The following PRRC1 variants were observed in gnomAD, a reference collection of about 807,000 sequenced individuals.
PRRC1 encodes proline rich coiled-coil 1.
Under a neutral mutation model 40.7 loss-of-function variants are expected in PRRC1, and 39 were observed. The observed-to-expected ratio is 0.96, with a 90% CI of 0.74 to 1.25. The LOEUF is 1.25. Ranked by LOEUF, PRRC1 falls within the 50% of genes most tolerant of loss-of-function variation. PRRC1 has a pLI of 0.00. For synonymous variants in PRRC1, 175 were observed against 193.3 expected, an observed-to-expected ratio of 0.91 and a Z score of 0.79; for missense variants, 573 against 548.3, an observed-to-expected ratio of 1.05 and a Z score of -0.45.
At chr5:127,521,785 A>G (rs1767465952) in intron 1 of PRRC1, among the ~76,000 whole-genome samples, 1 of 152,066 alleles carries the variant, frequency 6.6e-6, no homozygotes, top group Non-Finnish European at 1.5e-5. Flanking sequence ...TGTTCTTCCC[A>G]GCTCAGTTGG....
intron 1 of PRRC1, among the ~76,000 whole-genome samples, chr5:127,521,337 C>T (rs1303228293): frequency 2.0e-5 from 3 of 152,132 alleles, no homozygotes; most frequent in African/African-American, 2.4e-5. Context: ...GTTCTGTAAC[C>T]GTCCTTCCCG....
At chr5:127,547,984 T>A (rs569567945) in intron 8 of PRRC1, 63 bp downstream of exon 8, 93 of 1,083,420 alleles carry the variant, frequency 8.6e-5, no homozygotes, top group Non-Finnish European at 4.0e-5. Flanking sequence ...GTTTTCAGAA[T>A]AAAAATTTGT....
intron 7 of PRRC1, among the ~76,000 whole-genome samples, chr5:127,541,648 T>C (rs1430766241): frequency 2.0e-5 from 3 of 152,238 alleles, no homozygotes; most frequent in Non-Finnish European, 4.4e-5. Context: ...CTAGATTTTC[T>C]AGTTTATTTG....
At chr5:127,530,245 G>C in intron 4 of PRRC1, 49 bp from the exon 5 acceptor site, 1 of 1,498,206 alleles carries the variant, frequency 6.7e-7, no homozygotes, top group Non-Finnish European at 9.2e-7. Context: ...GAAGATCATG[G>C]TGTTCCTCAC....
chr5:127,521,493 C>T lies in PRRC1; in HGVS notation c.-20-1967C>T, dbSNP rs1767456525. ...ACTAGCTGCGTTAGGATAAGAACCC[C>T]TTCCCCTCCCTTGTTCAGGTGTGCT... On this transcript the variant is annotated intron_variant, in intron 1 of 8. Coordinates refer to ENST00000296666, the MANE Select transcript of PRRC1 (RefSeq NM_130809.5). Among the ~76,000 whole-genome samples the T allele has an allele frequency of 2.0e-5, 3 of 152,160 alleles. No homozygotes were observed. The South Asian group carries it at 6.2e-4, about 32-fold the overall frequency.
chr5:127,529,992 A>T (rs1767723120), intron 4 of PRRC1, among the ~76,000 whole-genome samples: 1 of 152,132 alleles, frequency 6.6e-6, no homozygotes, highest in African/African-American at 2.4e-5. Context: ...GTGAAATTAT[A>T]TATATGTATA....
rs572949836 is a variant in PRRC1 at position 127,552,696 on chromosome 5, G to A, written c.*780G>A. On this transcript the variant is annotated 3_prime_UTR_variant, in exon 9 of 9. Transcript: ENST00000296666. ...ATTCAAATTATTTTTGTATAATACTGTTCAGTACTTCCAAGAATAAGCTCT... is the reference window on the plus strand; with the variant it reads ...ATTCAAATTATTTTTGTATAATACTATTCAGTACTTCCAAGAATAAGCTCT... 1.0e-6 allele frequency: 1 copy of A among 982,250 alleles called. No individual in the cohort carries two copies. The highest frequency in any genetic ancestry group is 4.7e-5 in the South Asian group (1 of 21,202). 60.8% of individuals were successfully genotyped at this position (982,250 alleles called of 1,614,324 possible).
chr5:127,544,652 G>A (rs1269749733), intron 7 of PRRC1, among the ~76,000 whole-genome samples: 1 of 152,374 alleles, frequency 6.6e-6, no homozygotes, highest in South Asian at 2.1e-4. Context: ...CCAGCAATCA[G>A]CGGGACTCCG....
At chr5:127,521,493 C>CA in intron 1 of PRRC1, among the ~76,000 whole-genome samples, 2 of 152,278 alleles carry the variant, frequency 1.3e-5, no homozygotes, top group East Asian at 3.9e-4. Flanking sequence ...ATAAGAACCC[C>CA]TTCCCCTCCC....
At chr5:127,522,488 T>C (rs1767486316) in intron 1 of PRRC1, among the ~76,000 whole-genome samples, 1 of 152,108 alleles carries the variant, frequency 6.6e-6, no homozygotes, top group Non-Finnish European at 1.5e-5. Flanking sequence ...CCTCCTGGGA[T>C]CAGGTGATCC....
chr5:127,539,581 AC>A lies in PRRC1; in HGVS notation c.1025+439del, dbSNP rs201003111. Among the ~76,000 whole-genome samples, 1,007 of 152,232 alleles carry A rather than the reference AC, an allele frequency of 6.6e-3. 20 individuals are homozygous for A. The highest frequency in any genetic ancestry group is 0.022 in the African/African-American group (918 of 41,560). Reference sequence around the variant, plus strand: ...CATAATAGTTTAGAAAAACCTCCAGACAGCATAATTTATCATTGTTTTTCAG... The same window carrying A: ...CATAATAGTTTAGAAAAACCTCCAGAAGCATAATTTATCATTGTTTTTCAG... On this transcript the variant is annotated intron_variant, in intron 7 of 8. Coordinates refer to ENST00000296666, the MANE Select transcript of PRRC1 (RefSeq NM_130809.5).
intron 1 of PRRC1, among the ~76,000 whole-genome samples, chr5:127,519,349 C>T (rs1767398976): frequency 2.0e-5 from 3 of 152,192 alleles, no homozygotes; most frequent in Admixed American, 6.5e-5. Context: ...ATCTTTCCTA[C>T]GTTCACAGCC....
chr5:127,517,771 C>T lies in PRRC1; in HGVS notation c.-26C>T, dbSNP rs1162584698. 1.3e-5 allele frequency: 2 copies of T among 152,714 alleles called. No individual in the cohort carries two copies. Among genetic ancestry groups the T allele is most frequent in the East Asian group, 1.9e-4 (1 of 5,202 alleles). 9.5% of individuals were successfully genotyped at this position (152,714 alleles called of 1,614,324 possible). On this transcript the variant is annotated 5_prime_UTR_variant, in exon 1 of 9. Transcript: ENST00000296666. ...GCGACCACGCAGGCACTTTCCCGGT[C>T]CCCAGGTGAGCGCCAGGTGGCTCCG...
intron 8 of PRRC1, chr5:127,550,531 A>G (rs1768350595): frequency 6.6e-6 from 1 of 152,190 alleles, no homozygotes; most frequent in African/African-American, 2.4e-5. Context: ...ATTTTTGCCA[A>G]TAATATAGAA....
chr5:127,525,440 T>G lies in PRRC1; in HGVS notation c.493+520T>G, dbSNP rs192385790. ...TTCAATTAATCAGTTAATGTTGGGTTGTTTTCCACTTTTTGGCTATTTAGA... is the reference window on the plus strand; with the variant it reads ...TTCAATTAATCAGTTAATGTTGGGTGGTTTTCCACTTTTTGGCTATTTAGA... On this transcript the variant is annotated intron_variant, in intron 3 of 8. Transcript: ENST00000296666. Among the ~76,000 whole-genome samples, 503 of 152,376 alleles carry G rather than the reference T, an allele frequency of 3.3e-3. 2 individuals carry two copies. The highest frequency in any genetic ancestry group is 0.012 in the African/African-American group (488 of 41,588).
At position 127,552,317 on chromosome 5, in the gene PRRC1, T is replaced by G; in HGVS notation, c.*401T>G. The G allele has an allele frequency of 9.7e-7, 1 of 1,027,954 alleles. No individual in the cohort carries two copies. The highest frequency in any genetic ancestry group is 3.7e-5 in the South Asian group (1 of 27,092). The allele number at this position is 1,027,954 out of a possible 1,614,324, so 63.7% of individuals were successfully genotyped here. On this transcript the variant is annotated 3_prime_UTR_variant, in exon 9 of 9. Transcript: ENST00000296666. The stretch of plus-strand genomic sequence containing the variant: ...ATGTTTATAAAAGCATGATTTGCTT[T>G]GGCTTCATCTCTTTTCTGTCAGTCT...
chr5:127,526,206 CTA>C, intron 3 of PRRC1, among the ~76,000 whole-genome samples: 1 of 152,082 alleles, frequency 6.6e-6, no homozygotes, highest in East Asian at 1.9e-4. Context: ...ATATTCATGT[CTA>C]TGTATATGTG....
rs745972297 is a variant in PRRC1 at position 127,539,002 on chromosome 5, AT to A, written c.922-35del. 362 of 1,462,886 alleles carry A rather than the reference AT, an allele frequency of 2.5e-4. 1 individual carries two copies. The highest frequency in any genetic ancestry group is 3.1e-4 in the Non-Finnish European group (325 of 1,049,540). The allele number at this position is 1,462,886 out of a possible 1,614,324, so 90.6% of individuals were successfully genotyped here. The stretch of plus-strand genomic sequence containing the variant: ...AAATTAGTATATTTAATATGTAATA[AT>A]TTGAAATGGTCTCTAACCTCTGCCA... On this transcript the variant is annotated intron_variant, in intron 6 of 8. Coordinates refer to ENST00000296666, the MANE Select transcript of PRRC1 (RefSeq NM_130809.5).
At chr5:127,537,513 TATC>T (rs979159792) in intron 6 of PRRC1, among the ~76,000 whole-genome samples, 11 of 151,978 alleles carry the variant, frequency 7.2e-5, no homozygotes, top group African/African-American at 2.4e-4. Flanking sequence ...CCTAGCTTAT[TATC>T]CTGTTTCTTG....
Sources: gnomAD v4.1 joint callset for allele counts (sites outside exome capture counted in the v4.1 genomes callset) on GRCh38, gnomAD v4.1.1 for gene constraint, MANE v1.5 for transcripts, NCBI Gene and HGNC (gene_info 2026-07-23, HGNC 2026-07-21) for gene names.